SPATA1: variants seen among roughly 807,000 people sequenced by gnomAD.
SPATA1 encodes spermatogenesis associated 1.
In SPATA1, 57 loss-of-function variants were observed where a neutral mutation model predicts 59.6. The observed-to-expected ratio is 0.96, with a 90% CI of 0.77 to 1.19. SPATA1 has a LOEUF of 1.19. Ranked by LOEUF, SPATA1 falls within the 50% of genes most tolerant of loss-of-function variation. The pLI, the probability that SPATA1 is intolerant of heterozygous loss-of-function variation, is 0.00. For missense variants in SPATA1, 448 were observed against 480.7 expected (o/e 0.93, Z 0.64); for synonymous variants, 147 against 163.9 (o/e 0.90, Z 0.79).
At chr1:84,544,332 A>AATCATCTGTAC in intron 9 of SPATA1, 28 bp downstream of exon 9, 1 of 1,488,156 alleles carries the variant, frequency 6.7e-7, no homozygotes. Context: ...GTAAGTACAG[A>AATCATCTGTAC]TGATTCTGTG....
chr1:84,549,104 A>T, intron 11 of SPATA1, 140 bp downstream of exon 11: 2 of 787,090 alleles, frequency 2.5e-6, no homozygotes, highest in Non-Finnish European at 1.8e-6. Context: ...TCATGACCTT[A>T]TGTAATAGGA....
chr1:84,564,257 T>C (rs1177475068), intron 4 of SPATA1, among the ~76,000 whole-genome samples: 2 of 152,232 alleles, frequency 1.3e-5, no homozygotes, highest in Non-Finnish European at 2.9e-5. Flanking sequence ...AAGTGTTCCA[T>C]GTTTTGCAAA....
chr1:84,548,981 C>A lies in SPATA1; in HGVS notation c.1125+17C>A. 2.0e-6 allele frequency: 3 copies of A among 1,533,096 alleles called. No individual in the cohort carries two copies. The highest frequency in any genetic ancestry group is 4.3e-5 in the Admixed American group (2 of 46,906). The allele number at this position is 1,533,096 out of a possible 1,614,324, so 95.0% of individuals were successfully genotyped here. On this transcript the variant is annotated intron_variant, in intron 11 of 12. Transcript: ENST00000490879. ...GACTCCAAGGTATTACTAAATGTAT[C>A]CCCCTTCCGTTAGAGAAGTTCTGTT...
exon 5 of SPATA1, chr1:84,525,745 C>T (rs1415797436): frequency 6.2e-7 from 1 of 1,605,248 alleles, no homozygotes; most frequent in Non-Finnish European, 8.5e-7. Context: ...TTTGCTCCTC[C>T]ATATGTATGT....
Position 84,532,880 on chromosome 1 carries a change from GA to G in SPATA1, c.571del (p.Ser191AlafsTer74). ...ATCAGCTGGGGGAAAAGCCACTGCA[GA>G]AAAAAGCCAAATTGCAAAAAATCAA... On this transcript the variant is annotated frameshift_variant, in exon 7 of 13. Coordinates refer to ENST00000490879, the Ensembl canonical transcript of SPATA1. LOFTEE classifies it high-confidence loss of function. The G allele has an allele frequency of 6.4e-7, 1 of 1,551,616 alleles. No individual in the cohort carries two copies. The highest frequency in any genetic ancestry group is 1.4e-5 in the African/African-American group (1 of 73,144).
rs1449035546 is a variant in SPATA1 at position 84,516,283 on chromosome 1, G to A, written c.-77G>A. The A allele has an allele frequency of 6.3e-6, 8 of 1,261,370 alleles. No homozygotes were observed. In the Admixed American group the frequency reaches 9.9e-5, roughly 16 times the overall value. The allele number at this position is 1,261,370 out of a possible 1,614,324, so 78.1% of individuals were successfully genotyped here. ...AAAAAACTATTATAATTTTTATTTA[G>A]TACTACTTAAATGAAGAAAGATAAA... On this transcript the variant is annotated 5_prime_UTR_variant, in exon 2 of 13. Coordinates refer to ENST00000490879, the Ensembl canonical transcript of SPATA1.
intron 6 of SPATA1, among the ~76,000 whole-genome samples, chr1:84,530,985 T>C (rs536880707): frequency 6.6e-6 from 1 of 152,338 alleles, no homozygotes; most frequent in African/African-American, 2.4e-5. Context: ...TGTGACTCTA[T>C]CATATTTTAA....
At chr1:84,552,371 A>ATGC (rs1684299469) in intron 12 of SPATA1, 1 of 152,194 alleles carries the variant, frequency 6.6e-6, no homozygotes. Flanking sequence ...ACTGATGCTA[A>ATGC]TGCTGCTGTC....
chr1:84,525,977 C>T, exon 6 of SPATA1: 1 of 1,613,588 alleles, frequency 6.2e-7, no homozygotes, highest in Non-Finnish European at 8.5e-7. Context: ...AATCCACAGA[C>T]CAATTAGTGT....
intron 8 of SPATA1, 108 bp from the exon 9 acceptor site, chr1:84,544,094 T>G (rs1005287723): frequency 2.8e-6 from 2 of 717,020 alleles, no homozygotes; most frequent in African/African-American, 1.8e-5. Context: ...TCATCACCAC[T>G]AAGTAAAAAG....
intron 11 of SPATA1, 162 bp from the exon 12 acceptor site, chr1:84,550,270 A>C: frequency 2.5e-6 from 1 of 392,680 alleles, no homozygotes; most frequent in Non-Finnish European, 4.6e-6. Context: ...CAACAGAAAC[A>C]AATAGTAATT....
At chr1:84,514,946 G>A (rs1682730697) in intron 1 of SPATA1, among the ~76,000 whole-genome samples, 1 of 151,978 alleles carries the variant, frequency 6.6e-6, no homozygotes, top group South Asian at 2.1e-4. Context: ...ACTCCAGCCT[G>A]GGCAACACAG....
intron 4 of SPATA1, among the ~76,000 whole-genome samples, chr1:84,562,720 T>C (rs1283752787): frequency 6.6e-6 from 1 of 152,232 alleles, no homozygotes; most frequent in Non-Finnish European, 1.5e-5. Context: ...AGTGTATTTC[T>C]TCAGGTTTCC....
At chr1:84,511,738 A>G (rs1570382368) in intron 1 of SPATA1, among the ~76,000 whole-genome samples, 1 of 138,652 alleles carries the variant, frequency 7.2e-6, no homozygotes, top group African/African-American at 2.8e-5. Flanking sequence ...CTAGAGTGCA[A>G]TGGCGTGATC....
chr1:84,540,497 T>G (rs1049680525), intron 8 of SPATA1, among the ~76,000 whole-genome samples: 1 of 152,218 alleles, frequency 6.6e-6, no homozygotes, highest in Non-Finnish European at 1.5e-5. Flanking sequence ...CTTGTTCTAC[T>G]TTCACTTTTT....
chr1:84,544,219 C>CA lies in SPATA1; in HGVS notation c.736dup (p.Ile246AsnfsTer21). On this transcript the variant is annotated frameshift_variant, in exon 9 of 13. Transcript: ENST00000490879. LOFTEE classifies it high-confidence loss of function. ...GCTTACAGACAGCTGAAAAAGAGTACATCACCCTACCAGATCACCCTTCAC... is the reference window on the plus strand; with the variant it reads ...GCTTACAGACAGCTGAAAAAGAGTACAATCACCCTACCAGATCACCCTTCAC... The CA allele has an allele frequency of 6.3e-7, 1 of 1,599,024 alleles. No homozygotes were observed. Among genetic ancestry groups the CA allele is most frequent in the South Asian group, 1.1e-5 (1 of 88,156 alleles).
At chr1:84,519,028 G>GACT (rs1682909469) in intron 2 of SPATA1, among the ~76,000 whole-genome samples, 1 of 151,842 alleles carries the variant, frequency 6.6e-6, no homozygotes. Flanking sequence ...ATTTCTCACA[G>GACT]AGCCAGGACT....
At chr1:84,522,964 G>A (rs1683087513) in intron 4 of SPATA1, among the ~76,000 whole-genome samples, 1 of 150,910 alleles carries the variant, frequency 6.6e-6, no homozygotes, top group Non-Finnish European at 1.5e-5. Context: ...TGGCTAGAGT[G>A]CTGTAGTGTG....
At chr1:84,510,765 T>TATCA (rs748680023) in intron 1 of SPATA1, among the ~76,000 whole-genome samples, 19 of 152,222 alleles carry the variant, frequency 1.2e-4, no homozygotes, top group Non-Finnish European at 2.2e-4. Context: ...CCTAAGTGTC[T>TATCA]ATCAACAGAT....
Sources: gnomAD v4.1 joint callset for allele counts (sites outside exome capture counted in the v4.1 genomes callset) on GRCh38, gnomAD v4.1.1 for gene constraint, MANE v1.5 for transcripts, NCBI Gene and HGNC (gene_info 2026-07-23, HGNC 2026-07-21) for gene names.